Variants in CD72 observed in about 807,000 individuals in gnomAD.
The protein encoded by CD72 is B-cell differentiation antigen CD72.
A neutral mutation model predicts 50.7 loss-of-function variants in CD72; 28 were observed. The observed-to-expected ratio is 0.55, with a 90% confidence interval of 0.41 to 0.76. CD72 has a LOEUF of 0.76. CD72 is among the 30% of genes least tolerant of loss of function. The pLI is 0.00. For synonymous variants in CD72, 176 were observed against 171.2 expected (o/e 1.03, Z -0.22); for missense variants, 403 against 420.6 (o/e 0.96, Z 0.37).
At chr9:35,638,895 A>C (rs1385151716) in intron 1 of CD72, among the ~76,000 whole-genome samples, 1 of 152,192 alleles carries the variant, frequency 6.6e-6, no homozygotes, top group Non-Finnish European at 1.5e-5. Context: ...CAAAGCTGTT[A>C]ATTCTGACAA....
chr9:35,616,639 G>A lies in CD72; in HGVS notation c.313C>T (p.Leu105=). The A allele has an allele frequency of 1.2e-6, 2 of 1,614,040 alleles. No individual in the cohort carries two copies. Among genetic ancestry groups the A allele is most frequent in the South Asian group, 1.1e-5 (1 of 91,080 alleles). Residue 105 remains leucine (L), a synonymous_variant, in exon 4 of 9, where the codon CTG becomes TTG. Transcript: ENST00000259633. ...YLLLGLLLTC[L]LLGVTAICLG... ...CAGATGGCGGTCACTCCTAACAGCA[G>A]GCAGGTGAGGAGCAGGCCGAGCAGG... is the stretch of plus-strand genomic sequence containing the variant.
intron 1 of CD72, among the ~76,000 whole-genome samples, chr9:35,624,744 G>A (rs1381697851): frequency 6.6e-6 from 1 of 152,110 alleles, no homozygotes; most frequent in African/African-American, 2.4e-5. Context: ...AACAGCACGT[G>A]CTCACTTCGT....
At chr9:35,632,363 G>C (rs1823253388) in intron 1 of CD72, among the ~76,000 whole-genome samples, 2 of 151,724 alleles carry the variant, frequency 1.3e-5, no homozygotes, top group Admixed American at 1.3e-4. Context: ...GTAGAGACGG[G>C]GTTTCACCGT....
chr9:35,610,477 T>C (rs1822958727), intron 8 of CD72, 125 bp downstream of exon 8: 5 of 326,226 alleles, frequency 1.5e-5, no homozygotes, highest in Non-Finnish European at 2.9e-5. Context: ...AACTGGAGGC[T>C]GTGGAGGAAC....
upstream of CD72, among the ~76,000 whole-genome samples, chr9:35,623,814 T>C (rs1823167455): frequency 6.6e-6 from 1 of 152,118 alleles, no homozygotes; most frequent in Non-Finnish European, 1.5e-5. Context: ...CTCAGGAGGC[T>C]GAGGCAAGAG....
chr9:35,631,615 T>G (rs966717823), intron 1 of CD72, among the ~76,000 whole-genome samples: 2 of 152,164 alleles, frequency 1.3e-5, no homozygotes, highest in African/African-American at 4.8e-5. Context: ...ATAGAACGGC[T>G]GGGCGCGGTG....
chr9:35,638,012 C>CA (rs1354053890), intron 1 of CD72, among the ~76,000 whole-genome samples: 1 of 152,176 alleles, frequency 6.6e-6, no homozygotes, highest in Non-Finnish European at 1.5e-5. Context: ...TTTTCTTCTG[C>CA]AATACCACTT....
upstream of CD72, among the ~76,000 whole-genome samples, chr9:35,623,170 A>G (rs1823161159): frequency 6.6e-6 from 1 of 152,244 alleles, no homozygotes; most frequent in South Asian, 2.1e-4. Context: ...TTGAAAAATG[A>G]AATTTGGAAT....
chr9:35,613,087 T>G, intron 5 of CD72, 94 bp from the exon 6 acceptor site: 1 of 1,029,858 alleles, frequency 9.7e-7, no homozygotes, highest in Non-Finnish European at 1.5e-6. Context: ...AGAGCTAATC[T>G]CAGCACCTTC....
At chr9:35,627,831 C>CA (rs982603605) in intron 1 of CD72, among the ~76,000 whole-genome samples, 1 of 149,214 alleles carries the variant, frequency 6.7e-6, no homozygotes, top group Non-Finnish European at 1.5e-5. Flanking sequence ...TTTTGTACCT[C>CA]TTTTTTTTTT....
At chr9:35,617,095 C>T (rs1389255319) in intron 3 of CD72, 81 bp downstream of exon 3, 2 of 1,536,664 alleles carry the variant, frequency 1.3e-6, no homozygotes, top group East Asian at 2.5e-5. Context: ...AGGAGCTGCA[C>T]CCCGCGGGGC....
At chr9:35,640,809 C>A (rs945793601) in intron 1 of CD72, among the ~76,000 whole-genome samples, 6 of 152,370 alleles carry the variant, frequency 3.9e-5, no homozygotes, top group African/African-American at 1.4e-4. Flanking sequence ...AGGGAGGGGA[C>A]CCAAAGGGGG....
chr9:35,620,969 T>G (rs1203415176), upstream of CD72, among the ~76,000 whole-genome samples: 1 of 152,264 alleles, frequency 6.6e-6, no homozygotes, highest in African/African-American at 2.4e-5. Flanking sequence ...CCGCATTCGC[T>G]TCTGTCTTAG....
Position 35,616,639 on chromosome 9 carries a change from G to C in CD72, c.313C>G (p.Leu105Val). The C allele has an allele frequency of 6.2e-7, 1 of 1,614,040 alleles. No individual in the cohort carries two copies. Among genetic ancestry groups the C allele is most frequent in the Non-Finnish European group, 8.5e-7 (1 of 1,180,010 alleles). Residue 105 changes from leucine (L) to valine (V), a missense_variant, in exon 4 of 9, where the codon CTG becomes GTG. Coordinates refer to ENST00000259633, the MANE Select transcript of CD72 (RefSeq NM_001782.3). ...CAGATGGCGGTCACTCCTAACAGCA[G>C]GCAGGTGAGGAGCAGGCCGAGCAGG... ...YLLLGLLLTC[L>V]LLGVTAICLG...
chr9:35,640,330 A>G (rs968609563), intron 1 of CD72, among the ~76,000 whole-genome samples: 3 of 152,196 alleles, frequency 2.0e-5, no homozygotes, highest in African/African-American at 7.2e-5. Flanking sequence ...TTGCTCACAG[A>G]GCTCCCAAGA....
At chr9:35,622,786 CAA>C (rs898134466), upstream of CD72, among the ~76,000 whole-genome samples, 1 of 148,370 alleles carries the variant, frequency 6.7e-6, no homozygotes, top group African/African-American at 2.5e-5. Context: ...GACTCTGTCT[CAA>C]AAAAAATAAT....
At chr9:35,641,752 T>G (rs955154693) in intron 1 of CD72, among the ~76,000 whole-genome samples, 1 of 152,202 alleles carries the variant, frequency 6.6e-6, no homozygotes, top group South Asian at 2.1e-4. Context: ...AATATCTGCT[T>G]GGCGGTTCCC....
chr9:35,634,825 T>C (rs1462209017), intron 1 of CD72, among the ~76,000 whole-genome samples: 2 of 152,238 alleles, frequency 1.3e-5, no homozygotes, highest in Non-Finnish European at 2.9e-5. Flanking sequence ...TTATAGTGTG[T>C]TCCATCTGTT....
intron 1 of CD72, among the ~76,000 whole-genome samples, chr9:35,633,699 A>G (rs928517784): frequency 6.6e-6 from 1 of 152,100 alleles, no homozygotes; most frequent in Non-Finnish European, 1.5e-5. Flanking sequence ...CACCTCCCCC[A>G]GCCCGTAACT....
Sources: allele counts gnomAD v4.1 joint callset (sites outside exome capture counted in the v4.1 genomes callset), GRCh38; gene constraint gnomAD v4.1.1; transcripts MANE v1.5; gene names NCBI Gene and HGNC (gene_info 2026-07-23, HGNC 2026-07-21).